Variants in ZNF267 observed in about 807,000 individuals in gnomAD.
ZNF267 encodes the protein zinc finger protein 267.
In ZNF267, 61 loss-of-function variants were observed where a neutral mutation model predicts 71.6. That is an observed-to-expected ratio of 0.85 (90% CI 0.69 to 1.05). The LOEUF (loss-of-function observed/expected upper bound fraction) is 1.05. Ranked by LOEUF, ZNF267 falls within the 50% of genes least tolerant of loss-of-function variation. The pLI is 0.00. For missense variants in ZNF267, 852 were observed against 870.0 expected (o/e 0.98, Z 0.26); for synonymous variants, 288 against 293.2 (o/e 0.98, Z 0.18).
chr16:31,885,491 A>C (rs1251634318), intron 3 of ZNF267, among the ~76,000 whole-genome samples: 1 of 152,160 alleles, frequency 6.6e-6, no homozygotes, highest in African/African-American at 2.4e-5. Flanking sequence ...GTGACAGCCA[A>C]AGTGCTCCCC....
intron 3 of ZNF267, among the ~76,000 whole-genome samples, chr16:31,895,786 A>G (rs191127230): frequency 1.2e-4 from 18 of 152,274 alleles, no homozygotes; most frequent in Admixed American, 6.5e-4. Context: ...GAGAATGTCT[A>G]GTAAGGTCTT....
At chr16:31,875,367 A>G (rs1438020314) in intron 1 of ZNF267, 79 of 1,240,928 alleles carry the variant, frequency 6.4e-5, no homozygotes, top group Non-Finnish European at 7.8e-5. Flanking sequence ...ATCTCCTGGG[A>G]CACCCTTAAC....
Position 31,916,592 on chromosome 16 carries a change from T to C in ZNF267, c.*111T>C. ...AATGTTAAGAATGTGGCATAACCTT[T>C]AACTATTTTCAAGCCTTACACAATA... On this transcript the variant is annotated 3_prime_UTR_variant, in exon 4 of 4. Coordinates refer to ENST00000300870, the MANE Select transcript of ZNF267 (RefSeq NM_003414.6). 2 of 1,097,030 alleles carry C rather than the reference T, an allele frequency of 1.8e-6. No individual in the cohort carries two copies. The highest frequency in any genetic ancestry group is 3.3e-5 in the South Asian group (2 of 60,410). The allele number at this position is 1,097,030 out of a possible 1,614,324, so 68.0% of individuals were successfully genotyped here. A position where few individuals can be genotyped will look rare whatever the true frequency, so the allele number is the denominator to read the frequency against.
intron 3 of ZNF267, among the ~76,000 whole-genome samples, chr16:31,894,124 A>G (rs1312706049): frequency 3.3e-5 from 5 of 152,222 alleles, no homozygotes; most frequent in African/African-American, 9.6e-5. Flanking sequence ...TTTCAAAAGT[A>G]GTGATTCTCT....
At chr16:31,876,081 A>G (rs959616971) in intron 1 of ZNF267, among the ~76,000 whole-genome samples, 3 of 152,238 alleles carry the variant, frequency 2.0e-5, no homozygotes, top group African/African-American at 4.8e-5. Flanking sequence ...AAGTGAATAC[A>G]TTTTCACAAC....
At chr16:31,895,650 C>T (rs937781590) in intron 3 of ZNF267, among the ~76,000 whole-genome samples, 1 of 152,076 alleles carries the variant, frequency 6.6e-6, no homozygotes, top group African/African-American at 2.4e-5. Flanking sequence ...TATGTTTTGT[C>T]TTTTTGATTA....
At chr16:31,884,088 C>T (rs888823435) in intron 1 of ZNF267, among the ~76,000 whole-genome samples, 1 of 152,174 alleles carries the variant, frequency 6.6e-6, no homozygotes, top group Non-Finnish European at 1.5e-5. Context: ...AAATCTAGAT[C>T]TCCTGAATCA....
At chr16:31,887,593 T>C (rs1269306595) in intron 3 of ZNF267, among the ~76,000 whole-genome samples, 1 of 152,198 alleles carries the variant, frequency 6.6e-6, no homozygotes, top group African/African-American at 2.4e-5. Context: ...AATTTTATTC[T>C]TTTGCAGATG....
At position 31,914,972 on chromosome 16, in the gene ZNF267, A is replaced by G. The variant is rs2084162487; in HGVS notation, c.723A>G (p.Glu241=). 6.2e-7 allele frequency: 1 copy of G among 1,609,338 alleles called. No homozygotes were observed. Among genetic ancestry groups the G allele is most frequent in the South Asian group, 1.1e-5 (1 of 89,526 alleles). ...PKNHQENYFL[E]KQYKCKEFEE... The stretch of plus-strand genomic sequence containing the variant: ...ATCATCAGGAAAATTATTTTCTAGA[A>G]AAACAATACAAATGTAAAGAATTTG... Residue 241 remains glutamate, a synonymous_variant, in exon 4 of 4, where the codon GAA becomes GAG. Transcript: ENST00000300870.
At position 31,914,573 on chromosome 16, in the gene ZNF267, T is replaced by G. The variant is rs1209291654; in HGVS notation, c.324T>G (p.Leu108=). The change falls in exon 4 of 4, where the codon CTT becomes CTG. Residue 108 remains leucine, a synonymous_variant. Coordinates refer to ENST00000300870, the MANE Select transcript of ZNF267 (RefSeq NM_003414.6). The stretch of plus-strand genomic sequence containing the variant: ...CGAGGAGACATGGGAGCTGTGATCT[T>G]GAGAATTTACATTTAAGAAAAAGGT... ...VISRRHGSCD[L]ENLHLRKRWK... is the part of the protein sequence containing the mutation. 2 of 1,614,010 alleles carry G rather than the reference T, an allele frequency of 1.2e-6. No individual in the cohort carries two copies. The highest frequency in any genetic ancestry group is 1.3e-5 in the African/African-American group (1 of 74,928).
At chr16:31,892,467 C>A (rs2083966998) in intron 3 of ZNF267, among the ~76,000 whole-genome samples, 1 of 152,178 alleles carries the variant, frequency 6.6e-6, no homozygotes, top group African/African-American at 2.4e-5. Context: ...AAAACACAAT[C>A]ATGCCTTCCC....
In ZNF267 at chr16:31,884,478, ATTCT is replaced by A; in HGVS notation, c.4-17_4-14del. 1 of 1,613,952 alleles carries A rather than the reference ATTCT, an allele frequency of 6.2e-7. No homozygotes were observed. The highest frequency in any genetic ancestry group is 8.5e-7 in the Non-Finnish European group (1 of 1,179,920). The stretch of plus-strand genomic sequence containing the variant: ...TCTGCCATGGCCACATGGTCAGTGT[ATTCT>A]TTATTTTTATTTCAGGGACTGTTGA... On this transcript the variant is annotated splice_polypyrimidine_tract_variant and intron_variant, in intron 1 of 3. Transcript: ENST00000300870.
Position 31,884,630 on chromosome 16 carries a change from G to C in ZNF267, c.130+6G>C. On this transcript the variant is annotated splice_donor_region_variant and intron_variant, in intron 2 of 3. Coordinates refer to ENST00000300870, the MANE Select transcript of ZNF267 (RefSeq NM_003414.6). ...CAGAAACCTGGTCTCTCTGGGTGAG[G>C]ATAACTTGCCTTCGGAATATCTAAT... The C allele has an allele frequency of 6.2e-7, 1 of 1,608,460 alleles. No individual in the cohort carries two copies. Among genetic ancestry groups the C allele is most frequent in the Non-Finnish European group, 8.5e-7 (1 of 1,178,002 alleles).
At chr16:31,895,168 C>T (rs1009993930) in intron 3 of ZNF267, among the ~76,000 whole-genome samples, 3 of 152,196 alleles carry the variant, frequency 2.0e-5, no homozygotes, top group African/African-American at 4.8e-5. Context: ...TCTGGGTGAG[C>T]TCGGGAGCTG....
intron 3 of ZNF267, among the ~76,000 whole-genome samples, chr16:31,897,595 C>T (rs1424337599): frequency 6.6e-6 from 1 of 151,914 alleles, no homozygotes; most frequent in Non-Finnish European, 1.5e-5. Flanking sequence ...CTTGAAATTC[C>T]ATAGATATTT....
At position 31,916,312 on chromosome 16, in the gene ZNF267, A is replaced by G; in HGVS notation, c.2063A>G (p.Tyr688Cys). ...HRRRHTGERPYKCDECGKAFS... is the reference protein window; with the variant it reads ...HRRRHTGERPCKCDECGKAFS... Reference sequence around the variant, plus strand: ...AGAAGACATACTGGAGAGAGACCCTACAAATGTGATGAATGTGGTAAAGCC... The same window carrying G: ...AGAAGACATACTGGAGAGAGACCCTGCAAATGTGATGAATGTGGTAAAGCC... Residue 688 changes from tyrosine to cysteine, a missense_variant, in exon 4 of 4, where the codon TAC (tyrosine) becomes TGC (cysteine). Transcript: ENST00000300870. 6.2e-7 allele frequency: 1 copy of G among 1,614,120 alleles called. No individual in the cohort carries two copies. Among genetic ancestry groups the G allele is most frequent in the Non-Finnish European group, 8.5e-7 (1 of 1,179,998 alleles).
At chr16:31,904,836 A>T (rs1002806557) in intron 3 of ZNF267, among the ~76,000 whole-genome samples, 1 of 152,176 alleles carries the variant, frequency 6.6e-6, no homozygotes, top group Non-Finnish European at 1.5e-5. Flanking sequence ...TTATGATGTT[A>T]GCTGGTTATT....
In ZNF267 at chr16:31,915,290, G is replaced by T; in HGVS notation, c.1041G>T (p.Glu347Asp). ...AACATCAGATCATTCCTACCGAAGA[G>T]AAACCCTGTAAATGGAAAGAATGTG... ...LTQHQIIPTE[E>D]KPCKWKECGK... The change falls in exon 4 of 4, where the codon GAG becomes GAT. Residue 347 changes from glutamate (E) to aspartate (D), a missense_variant. Glu to Asp is a conservative substitution (Grantham distance 45). Transcript: ENST00000300870. The T allele has an allele frequency of 6.2e-7, 1 of 1,613,776 alleles. No homozygotes were observed. Among genetic ancestry groups the T allele is most frequent in the Non-Finnish European group, 8.5e-7 (1 of 1,179,826 alleles).
intron 3 of ZNF267, among the ~76,000 whole-genome samples, chr16:31,897,379 T>C (rs909116027): frequency 1.3e-5 from 2 of 152,124 alleles, no homozygotes; most frequent in African/African-American, 4.8e-5. Flanking sequence ...TCTTTCCTCA[T>C]TGTGTGTTCT....
Sources: gnomAD v4.1 joint callset for allele counts (sites outside exome capture counted in the v4.1 genomes callset) on GRCh38, gnomAD v4.1.1 for gene constraint, MANE v1.5 for transcripts, NCBI Gene and HGNC (gene_info 2026-07-23, HGNC 2026-07-21) for gene names.